Variants in MYO5A observed in about 807,000 individuals in gnomAD.
The protein encoded by MYO5A is myosin VA.
MYO5A carries 98 observed loss-of-function variants against 249.7 expected under a neutral mutation model. That is an observed-to-expected ratio of 0.39 (90% confidence interval 0.33 to 0.46). The LOEUF (loss-of-function observed/expected upper bound fraction) is 0.46. Ranked by LOEUF, MYO5A falls within the 20% of genes least tolerant of loss-of-function variation. MYO5A has a pLI of 0.98. For missense variants in MYO5A, 1,696 were observed against 2,308.8 expected (o/e 0.73, Z 5.44); for synonymous variants, 778 against 810.6 (o/e 0.96, Z 0.68).
intron 1 of MYO5A, among the ~76,000 whole-genome samples, chr15:52,520,789 G>C (rs1296722900): frequency 6.6e-6 from 1 of 152,210 alleles, no homozygotes; most frequent in Admixed American, 6.5e-5. Context: ...ATAACTTGAA[G>C]TGATGAGTTT....
rs560943602 is a variant in MYO5A at position 52,427,741 on chromosome 15, A to G, written c.310+657T>C. Among the ~76,000 whole-genome samples, 6 of 152,298 alleles carry G rather than the reference A, an allele frequency of 3.9e-5. No homozygotes were observed. The South Asian group carries it at 1.2e-3, about 32-fold the overall frequency. On this transcript the variant is annotated intron_variant, in intron 3 of 41. Coordinates refer to ENST00000399233, the MANE Select transcript of MYO5A (RefSeq NM_001382347.1). The stretch of plus-strand genomic sequence containing the variant: ...TTCCGAGGACAGAGTGATTAGTGAA[A>G]GAATGGTAAGACGTCAGCGGAGAAA...
At chr15:52,321,792 T>TAAA (rs71875115) in intron 37 of MYO5A, among the ~76,000 whole-genome samples, 1,153 of 92,604 alleles carry the variant, frequency 0.012, 14 homozygotes, top group African/African-American at 0.039. Flanking sequence ...GGAACTTAAC[T>TAAA]AAAAAAAAAA....
intron 1 of MYO5A, among the ~76,000 whole-genome samples, chr15:52,509,115 G>A (rs1039968779): frequency 1.3e-5 from 2 of 152,048 alleles, no homozygotes; most frequent in Non-Finnish European, 2.9e-5. Flanking sequence ...GGGACTATGG[G>A]CATGTGCCAC....
At chr15:52,315,423 T>C (rs1261205206) in intron 40 of MYO5A, among the ~76,000 whole-genome samples, 1 of 151,976 alleles carries the variant, frequency 6.6e-6, no homozygotes, top group Non-Finnish European at 1.5e-5. Context: ...AGATGAAGTC[T>C]CTGTGCAGTG....
chr15:52,478,771 C>T (rs574314105), intron 1 of MYO5A, among the ~76,000 whole-genome samples: 1 of 152,266 alleles, frequency 6.6e-6, no homozygotes, highest in South Asian at 2.1e-4. Flanking sequence ...ACAAACTGTT[C>T]ACACGGGGAT....
At chr15:52,340,075 G>T (rs2039307023) in intron 32 of MYO5A, 121 bp downstream of exon 32, 5 of 973,992 alleles carry the variant, frequency 5.1e-6, no homozygotes, top group African/African-American at 1.6e-5. Context: ...GGAGTAAGAG[G>T]GGTAACAAGT....
At chr15:52,400,955 T>TC (rs2042725770) in intron 9 of MYO5A, among the ~76,000 whole-genome samples, 1 of 152,216 alleles carries the variant, frequency 6.6e-6, no homozygotes, top group Non-Finnish European at 1.5e-5. Flanking sequence ...TCTTAGTTCA[T>TC]TTCTTCTTGC....
intron 1 of MYO5A, among the ~76,000 whole-genome samples, chr15:52,508,168 C>G (rs2077313444): frequency 6.6e-6 from 1 of 152,106 alleles, no homozygotes; most frequent in Non-Finnish European, 1.5e-5. Flanking sequence ...TTTAATCATT[C>G]AAATTTGTAA....
At chr15:52,315,547 G>T (rs928860303) in intron 40 of MYO5A, among the ~76,000 whole-genome samples, 1 of 152,010 alleles carries the variant, frequency 6.6e-6, no homozygotes, top group East Asian at 1.9e-4. Context: ...GCTAATTTTT[G>T]TATTTTTGTA....
At chr15:52,528,684 G>C in intron 1 of MYO5A, 96 bp downstream of exon 1, 1 of 1,377,002 alleles carries the variant, frequency 7.3e-7, no homozygotes, top group Non-Finnish European at 9.5e-7. Context: ...GGTGGGGCTC[G>C]CCTGGGCCCG....
At chr15:52,528,106 T>C (rs1454862536) in intron 1 of MYO5A, among the ~76,000 whole-genome samples, 1 of 152,086 alleles carries the variant, frequency 6.6e-6, no homozygotes, top group Non-Finnish European at 1.5e-5. Flanking sequence ...CCCCAGAGGA[T>C]GGTAAAGACA....
intron 32 of MYO5A, 122 bp downstream of exon 32, chr15:52,340,074 G>A (rs781575182): frequency 5.2e-6 from 5 of 968,896 alleles, no homozygotes; most frequent in Non-Finnish European, 8.1e-6. Flanking sequence ...TGGAGTAAGA[G>A]GGGTAACAAG....
chr15:52,307,685 A>G lies in MYO5A; in HGVS notation c.*6011T>C, dbSNP rs567283186. ...AAGTAGAATTCCTTTTCCAGACCCA[A>G]CAAGGAAAAATATTTGAAAACTGCA... On this transcript the variant is annotated 3_prime_UTR_variant, in exon 42 of 42. Coordinates refer to ENST00000399233, the MANE Select transcript of MYO5A (RefSeq NM_001382347.1). The G allele has an allele frequency of 3.5e-4, 53 of 152,278 alleles. No homozygotes were observed. The highest frequency in any genetic ancestry group is 8.2e-4 in the African/African-American group (34 of 41,574). 9.4% of individuals were successfully genotyped at this position (152,278 alleles called of 1,614,324 possible).
chr15:52,375,226 CCT>C, intron 20 of MYO5A, 76 bp downstream of exon 20: 1 of 1,435,838 alleles, frequency 7.0e-7, no homozygotes, highest in South Asian at 1.2e-5. Context: ...CATTGTAGCC[CCT>C]GTGGTACTCT....
intron 9 of MYO5A, among the ~76,000 whole-genome samples, chr15:52,400,928 C>T (rs1259533775): frequency 6.6e-6 from 1 of 152,090 alleles, no homozygotes; most frequent in Admixed American, 6.6e-5. Context: ...TCTACATTTG[C>T]CCACATTTTG....
intron 1 of MYO5A, among the ~76,000 whole-genome samples, chr15:52,442,648 T>C (rs752088616): frequency 4.6e-4 from 70 of 152,262 alleles, no homozygotes; most frequent in Non-Finnish European, 8.8e-4. Flanking sequence ...TTTTAACAGC[T>C]ATTGAGGCTT....
At chr15:52,509,900 A>G (rs1053440709) in intron 1 of MYO5A, among the ~76,000 whole-genome samples, 93 of 152,346 alleles carry the variant, frequency 6.1e-4, no homozygotes, top group African/African-American at 2.1e-3. Flanking sequence ...TGGAGAAAAA[A>G]AAAAAGAGCA....
intron 29 of MYO5A, among the ~76,000 whole-genome samples, chr15:52,347,685 G>A (rs964578315): frequency 6.6e-6 from 1 of 151,984 alleles, no homozygotes; most frequent in Non-Finnish European, 1.5e-5. Flanking sequence ...CTATCCTTTT[G>A]TAAGTTTATA....
At chr15:52,485,068 C>T (rs1389620067) in intron 1 of MYO5A, among the ~76,000 whole-genome samples, 1 of 151,698 alleles carries the variant, frequency 6.6e-6, no homozygotes, top group African/African-American at 2.4e-5. Flanking sequence ...TGAATAATTA[C>T]AAAAAACAGT....
Sources: allele counts gnomAD v4.1 joint callset (sites outside exome capture counted in the v4.1 genomes callset), GRCh38; gene constraint gnomAD v4.1.1; transcripts MANE v1.5; gene names NCBI Gene and HGNC (gene_info 2026-07-23, HGNC 2026-07-21).